TAOK3: variants seen among roughly 807,000 people sequenced by gnomAD.
TAOK3 encodes TAO kinase 3, also known as serine/threonine-protein kinase TAO3.
TAOK3 carries 40 observed loss-of-function variants against 120.4 expected under a neutral mutation model. That is an observed-to-expected ratio of 0.33 (90% CI 0.26 to 0.43). The LOEUF is 0.43. Among genes scored for constraint, TAOK3 ranks in the 20% least tolerant of loss-of-function variants. The pLI, the probability that TAOK3 is intolerant of heterozygous loss-of-function variation, is 1.00. For missense variants in TAOK3, 821 were observed against 1,112.1 expected, an observed-to-expected ratio of 0.74 and a Z score of 3.72; for synonymous variants, 355 against 387.5, an observed-to-expected ratio of 0.92 and a Z score of 0.99.
At chr12:118,277,576 T>G (rs1227032720) in intron 1 of TAOK3, among the ~76,000 whole-genome samples, 1 of 151,956 alleles carries the variant, frequency 6.6e-6, no homozygotes, top group East Asian at 1.9e-4. Context: ...TTCTTCTGCC[T>G]CAGCCTCCCG....
chr12:118,234,233 T>G (rs2039919853), intron 8 of TAOK3, among the ~76,000 whole-genome samples: 1 of 116,890 alleles, frequency 8.6e-6, no homozygotes, highest in Admixed American at 8.9e-5. Flanking sequence ...TTTTTTTTTT[T>G]TTTTTTTTTT....
intron 1 of TAOK3, among the ~76,000 whole-genome samples, chr12:118,362,317 TAAA>T (rs10652375): frequency 1.0e-4 from 11 of 105,508 alleles, no homozygotes; most frequent in East Asian, 2.8e-4. Context: ...GCTGATGGGC[TAAA>T]AAAAAAAAAA....
At chr12:118,274,148 A>ATTTTGTTGT (rs2041825125) in intron 1 of TAOK3, among the ~76,000 whole-genome samples, 1 of 152,208 alleles carries the variant, frequency 6.6e-6, no homozygotes. Context: ...ACAAAAAAAA[A>ATTTTGTTGT]ACTAGCAAAT....
At position 118,235,589 on chromosome 12, in the gene TAOK3, G is replaced by T. The variant is rs550716234; in HGVS notation, c.520C>A (p.Pro174Thr). 5 of 1,613,708 alleles carry T rather than the reference G, an allele frequency of 3.1e-6. No homozygotes were observed. The highest frequency in any genetic ancestry group is 4.5e-5 in the East Asian group (2 of 44,852). Residue 174 changes from proline (P) to threonine (T), a missense_variant, in exon 8 of 21, where the codon CCT becomes ACT. Transcript: ENST00000392533. ...ADFGSASMAS[P>T]ANSFVGTPYW... ...GGTGTGCCCACGAAGGAGTTGGCAG[G>T]AGAAGCCATTGAAGCAGATCCAAAA...
At chr12:118,175,697 T>A (rs965849044) in intron 16 of TAOK3, among the ~76,000 whole-genome samples, 2 of 152,158 alleles carry the variant, frequency 1.3e-5, no homozygotes, top group African/African-American at 4.8e-5. Flanking sequence ...ATGCGCCATA[T>A]TGAATTTTAT....
intron 1 of TAOK3, among the ~76,000 whole-genome samples, chr12:118,355,439 A>C (rs554716629): frequency 6.6e-6 from 1 of 152,264 alleles, no homozygotes; most frequent in Non-Finnish European, 1.5e-5. Context: ...GAAAAATGTT[A>C]CTAAAGTGAA....
At chr12:118,174,906 C>G (rs867538316) in intron 16 of TAOK3, among the ~76,000 whole-genome samples, 2 of 152,160 alleles carry the variant, frequency 1.3e-5, no homozygotes, top group African/African-American at 4.8e-5. Context: ...AGTTGATCCA[C>G]CCACCTTGGC....
rs1249063463 is a variant in TAOK3, at chr12:118,238,140, T to C, written c.370A>G (p.Ile124Val). 1.2e-6 allele frequency: 2 copies of C among 1,612,038 alleles called. No individual in the cohort carries two copies. Among genetic ancestry groups the C allele is most frequent in the South Asian group, 2.2e-5 (2 of 90,906 alleles). ...VHKKPLQEVE[I>V]AAITHGALHG... Reference sequence around the variant, plus strand: ...AAGGCTCCATGAGTAATGGCAGCGATCTCCACTTCCTGAAGTGGTTTTTTA... The same window carrying C: ...AAGGCTCCATGAGTAATGGCAGCGACCTCCACTTCCTGAAGTGGTTTTTTA... The change falls in exon 7 of 21, where the codon ATC becomes GTC. Residue 124 changes from isoleucine to valine, a missense_variant. Ile to Val is a conservative substitution (Grantham distance 29). Around this residue, in one of 2 missense-constraint regions of TAOK3, gnomAD observed 467 missense variants for 540.0 expected, o/e 0.86. Coordinates refer to ENST00000392533, the MANE Select transcript of TAOK3 (RefSeq NM_016281.4).
chr12:118,224,143 G>C (rs2039388103), intron 9 of TAOK3, among the ~76,000 whole-genome samples: 1 of 152,212 alleles, frequency 6.6e-6, no homozygotes, highest in African/African-American at 2.4e-5. Context: ...CTGAGGTTCA[G>C]CTAAGTAACA....
chr12:118,288,026 G>A (rs2042327109), intron 1 of TAOK3, among the ~76,000 whole-genome samples: 1 of 151,092 alleles, frequency 6.6e-6, no homozygotes, highest in South Asian at 2.1e-4. Flanking sequence ...AGCTAATGAA[G>A]GATTATCTAG....
chr12:118,242,875 CAAACA>C (rs1232676209), intron 5 of TAOK3, among the ~76,000 whole-genome samples: 1 of 150,996 alleles, frequency 6.6e-6, no homozygotes, highest in African/African-American at 2.4e-5. Context: ...AACAAACAAA[CAAACA>C]AAATATATAT....
chr12:118,369,051 G>A (rs1277909872), intron 1 of TAOK3, among the ~76,000 whole-genome samples: 1 of 150,612 alleles, frequency 6.6e-6, no homozygotes, highest in African/African-American at 2.4e-5. Context: ...AGCCAGGCGT[G>A]ATGGTATTTG....
intron 1 of TAOK3, among the ~76,000 whole-genome samples, chr12:118,294,814 A>G (rs901686745): frequency 6.6e-6 from 1 of 152,204 alleles, no homozygotes; most frequent in African/African-American, 2.4e-5. Flanking sequence ...GACTAGATTT[A>G]GAGTTTGAAA....
At chr12:118,319,496 G>C (rs1202445631) in intron 1 of TAOK3, among the ~76,000 whole-genome samples, 3 of 151,856 alleles carry the variant, frequency 2.0e-5, no homozygotes, top group Non-Finnish European at 4.4e-5. Flanking sequence ...AAAGACAAAC[G>C]ACCCAATTTT....
chr12:118,218,369 G>C (rs1006426371), intron 9 of TAOK3, among the ~76,000 whole-genome samples: 1 of 152,006 alleles, frequency 6.6e-6, no homozygotes, highest in Non-Finnish European at 1.5e-5. Flanking sequence ...AGGTATCTGT[G>C]GGGGACTGGT....
chr12:118,361,786 A>T (rs1365673602), intron 1 of TAOK3, among the ~76,000 whole-genome samples: 1 of 151,942 alleles, frequency 6.6e-6, no homozygotes, highest in African/African-American at 2.4e-5. Flanking sequence ...TTATTTTTAA[A>T]ATTTCAACTT....
At chr12:118,256,865 A>G (rs1030147627) in intron 2 of TAOK3, among the ~76,000 whole-genome samples, 1 of 152,170 alleles carries the variant, frequency 6.6e-6, no homozygotes, top group African/African-American at 2.4e-5. Flanking sequence ...TATACCAAAA[A>G]TCATTCAGTT....
chr12:118,333,953 T>C (rs901840059), intron 1 of TAOK3, among the ~76,000 whole-genome samples: 1 of 151,600 alleles, frequency 6.6e-6, no homozygotes, highest in African/African-American at 2.4e-5. Flanking sequence ...CTGACCAACA[T>C]GGAGAAACCC....
chr12:118,267,109 T>A (rs2041482424), intron 1 of TAOK3, among the ~76,000 whole-genome samples: 1 of 152,216 alleles, frequency 6.6e-6, no homozygotes, highest in Non-Finnish European at 1.5e-5. Context: ...AGGCTTCTAT[T>A]TTGAATTGCT....
Sources: allele counts gnomAD v4.1 joint callset (sites outside exome capture counted in the v4.1 genomes callset), GRCh38; gene constraint gnomAD v4.1.1; regional missense constraint gnomAD v4.1.1; transcripts MANE v1.5; gene names NCBI Gene and HGNC (gene_info 2026-07-23, HGNC 2026-07-21).